The following SLC66A2 variants were observed in gnomAD, a reference collection of about 807,000 sequenced individuals.
SLC66A2 encodes PQ loop repeat containing 1.
SLC66A2 carries 23 observed loss-of-function variants against 25.5 expected under a neutral mutation model. That is an observed-to-expected ratio of 0.90 (90% confidence interval 0.65 to 1.28). The LOEUF is 1.28. Ranked by LOEUF, SLC66A2 falls within the 50% of genes most tolerant of loss-of-function variation. The pLI is 0.00. For missense variants in SLC66A2, 396 were observed against 373.1 expected, an observed-to-expected ratio of 1.06 and a Z score of -0.51; for synonymous variants, 193 against 166.5, an observed-to-expected ratio of 1.16 and a Z score of -1.23.
At chr18:79,914,531 A>G (rs1220264816) in intron 5 of SLC66A2, among the ~76,000 whole-genome samples, 2 of 151,672 alleles carry the variant, frequency 1.3e-5, no homozygotes, top group East Asian at 3.9e-4. Context: ...ACAGGCAGGT[A>G]CCACAGGAGC....
chr18:79,935,761 T>C (rs1046980168), intron 3 of SLC66A2, among the ~76,000 whole-genome samples: 32 of 151,750 alleles, frequency 2.1e-4, no homozygotes, highest in East Asian at 9.7e-4. Flanking sequence ...TCCCAGCAGA[T>C]AGATGGCTAG....
rs1208254979 is a variant in SLC66A2, at chr18:79,940,919, T to C, written c.337+2410A>G. On this transcript the variant is annotated intron_variant, in intron 3 of 5. Transcript: ENST00000397778. This position sits in a 1 kb window ranked among gnomAD's most constrained non-coding sequence, Gnocchi z 4.1. ...GGGGCCCAGGAGTCATGCAGCTTGG[T>C]TCTCAGTCCTCCCCGGGGGAGGGCA... Among the ~76,000 whole-genome samples the C allele has an allele frequency of 6.6e-6, 1 of 152,094 alleles. No homozygotes were observed. Among genetic ancestry groups the C allele is most frequent in the East Asian group, 1.9e-4 (1 of 5,192 alleles).
chr18:79,911,003 A>T (rs889360359), intron 5 of SLC66A2, among the ~76,000 whole-genome samples: 1 of 152,244 alleles, frequency 6.6e-6, no homozygotes, highest in Non-Finnish European at 1.5e-5. Flanking sequence ...GTGGCAGGGG[A>T]AGGGCTAAGA....
chr18:79,915,166 C>A (rs879330821), intron 5 of SLC66A2, among the ~76,000 whole-genome samples: 1 of 152,338 alleles, frequency 6.6e-6, no homozygotes, highest in South Asian at 2.1e-4. Flanking sequence ...TGCGTTCTAG[C>A]AGCAAACGCC....
chr18:79,904,260 T>C lies in SLC66A2; in HGVS notation c.609-77A>G, dbSNP rs1599464388. 5 of 1,338,968 alleles carry C rather than the reference T, an allele frequency of 3.7e-6. No homozygotes were observed. The South Asian group carries it at 4.8e-5, about 13-fold the overall frequency. The allele number at this position is 1,338,968 out of a possible 1,614,324, so 82.9% of individuals were successfully genotyped here. ...TCAGTCAGTGGGGAGGCCTGGGGCTTAGACAGCGGGGAGACCTGGGGCTCA... is the reference window on the plus strand; with the variant it reads ...TCAGTCAGTGGGGAGGCCTGGGGCTCAGACAGCGGGGAGACCTGGGGCTCA... On this transcript the variant is annotated intron_variant, in intron 5 of 5. Transcript: ENST00000397778. This position sits in a 1 kb window ranked among gnomAD's most constrained non-coding sequence, Gnocchi z 6.3.
chr18:79,929,224 T>C (rs1397139806), intron 4 of SLC66A2, among the ~76,000 whole-genome samples: 1 of 152,088 alleles, frequency 6.6e-6, no homozygotes, highest in Non-Finnish European at 1.5e-5. Context: ...CTGGCCCCAA[T>C]GGCCACCCTG....
Position 79,932,305 on chromosome 18 carries a change from T to G in SLC66A2, c.391+1664A>C, listed in dbSNP as rs113053315. ...ATTAAAAAGGAAGAAAGAAAAAAAA[T>G]CAATGTTCTAACCTCCACCTTAAGA... On this transcript the variant is annotated intron_variant, in intron 4 of 5. Coordinates refer to ENST00000397778, the MANE Select transcript of SLC66A2 (RefSeq NM_025078.5). Among the ~76,000 whole-genome samples the G allele has an allele frequency of 8.1e-3, 1,221 of 151,622 alleles. 10 individuals carry two copies. Among genetic ancestry groups the G allele is most frequent in the Non-Finnish European group, 0.011 (777 of 67,880 alleles).
chr18:79,916,974 C>T lies in SLC66A2; in HGVS notation c.608+2210G>A, dbSNP rs533131525. ...CTGGGTCAGGACAACCGGCGGTGCC[C>T]GCCGCAGGACCGACTGCCTGCTCGG... On this transcript the variant is annotated intron_variant, in intron 5 of 5. Transcript: ENST00000397778. 3.3e-5 allele frequency among the ~76,000 whole-genome samples: 5 copies of T among 152,384 alleles called. No homozygotes were observed. In the East Asian group the frequency reaches 7.7e-4, roughly 24 times the overall value.
intron 2 of SLC66A2, among the ~76,000 whole-genome samples, chr18:79,949,197 C>G (rs1033234174): frequency 7.2e-5 from 11 of 152,168 alleles, no homozygotes; most frequent in Non-Finnish European, 1.2e-4. Context: ...AAAACTAACA[C>G]CCAGGGACAC....
At chr18:79,948,769 T>C (rs910775333) in intron 2 of SLC66A2, among the ~76,000 whole-genome samples, 1 of 152,224 alleles carries the variant, frequency 6.6e-6, no homozygotes. Flanking sequence ...AGAGAATTTA[T>C]TCTATAACCC....
chr18:79,902,672 A>C lies in SLC66A2; in HGVS notation c.*1304T>G, dbSNP rs1047482024. On this transcript the variant is annotated 3_prime_UTR_variant, in exon 6 of 6. Transcript: ENST00000397778. ...CAGCGTGGAACATCTTCCCATGGCC[A>C]CGGCCCCGGCACAGAGCTCAGATGC... is the stretch of plus-strand genomic sequence containing the variant. The C allele has an allele frequency of 5.9e-5, 9 of 152,384 alleles. No individual in the cohort carries two copies. Among genetic ancestry groups the C allele is most frequent in the Non-Finnish European group, 1.0e-4 (7 of 68,090 alleles). The allele number at this position is 152,384 out of a possible 1,614,324, so 9.4% of individuals were successfully genotyped here. A position where few individuals can be genotyped will look rare whatever the true frequency, so the allele number is the denominator to read the frequency against.
intron 2 of SLC66A2, among the ~76,000 whole-genome samples, chr18:79,948,461 C>T (rs2051007306): frequency 6.6e-6 from 1 of 152,176 alleles, no homozygotes; most frequent in Non-Finnish European, 1.5e-5. Context: ...CTTTCACAGC[C>T]TCGCAAGTAG....
chr18:79,919,251 T>A lies in SLC66A2; in HGVS notation c.541A>T (p.Thr181Ser). ...VETLGFLAVLTEAMLGVPQLY... is the reference protein window; with the variant it reads ...VETLGFLAVLSEAMLGVPQLY... ...TGGGGCACACCCAGCATGGCTTCGGTCAGCACAGCCAGGAAGCCCAGGGTC... is the reference window on the plus strand; with the variant it reads ...TGGGGCACACCCAGCATGGCTTCGGACAGCACAGCCAGGAAGCCCAGGGTC... The change falls in exon 5 of 6, where the codon ACC (threonine) becomes TCC (serine). Residue 181 changes from threonine to serine, a missense_variant. Physicochemically the swap from Thr to Ser is moderately conservative, Grantham distance 58. Transcript: ENST00000397778. 1 of 1,613,234 alleles carries A rather than the reference T, an allele frequency of 6.2e-7. No homozygotes were observed.
chr18:79,941,833 G>A lies in SLC66A2; in HGVS notation c.337+1496C>T, dbSNP rs978724739. On this transcript the variant is annotated intron_variant, in intron 3 of 5. Coordinates refer to ENST00000397778, the MANE Select transcript of SLC66A2 (RefSeq NM_025078.5). This position sits in a 1 kb window ranked among gnomAD's most constrained non-coding sequence, Gnocchi z 4.1. ...AGGTCTGGCCTCATGTCCAGAGCCC[G>A]AGGACAGCAGAAACACCCAGCAACG... 1.3e-5 allele frequency: 2 copies of A among 152,276 alleles called. No homozygotes were observed. Among genetic ancestry groups the A allele is most frequent in the Admixed American group, 6.6e-5 (1 of 15,266 alleles). The allele number at this position is 152,276 out of a possible 1,614,324, so 9.4% of individuals were successfully genotyped here. A position where few individuals can be genotyped will look rare whatever the true frequency, so the allele number is the denominator to read the frequency against.
At chr18:79,946,127 C>A (rs1402057851) in intron 2 of SLC66A2, among the ~76,000 whole-genome samples, 1 of 152,164 alleles carries the variant, frequency 6.6e-6, no homozygotes, top group Non-Finnish European at 1.5e-5. Context: ...CCATAATCCA[C>A]ACATCAAAAA....
At chr18:79,909,974 C>T (rs1369207266) in intron 5 of SLC66A2, among the ~76,000 whole-genome samples, 1 of 133,654 alleles carries the variant, frequency 7.5e-6, no homozygotes, top group Non-Finnish European at 1.6e-5. Context: ...GAGTCCCCAG[C>T]CTTCCCTACA....
chr18:79,951,588 C>A lies in SLC66A2; in HGVS notation c.-107G>T. 1.3e-5 allele frequency: 2 copies of A among 151,780 alleles called. No homozygotes were observed. Among genetic ancestry groups the A allele is most frequent in the South Asian group, 3.6e-4 (2 of 5,570 alleles). 9.4% of individuals were successfully genotyped at this position (151,780 alleles called of 1,614,324 possible). A position where few individuals can be genotyped will look rare whatever the true frequency, so the allele number is the denominator to read the frequency against. On this transcript the variant is annotated 5_prime_UTR_variant, in exon 1 of 6. Coordinates refer to ENST00000397778, the MANE Select transcript of SLC66A2 (RefSeq NM_025078.5). ...CGCCCCCGCGCTCCTTACCTGCGCC[C>A]CCAGCCCCGCGCCCAGCGCCCCGCG...
At chr18:79,914,539 A>C (rs1345422528) in intron 5 of SLC66A2, among the ~76,000 whole-genome samples, 1 of 150,430 alleles carries the variant, frequency 6.6e-6, no homozygotes, top group Non-Finnish European at 1.5e-5. Context: ...GTACCACAGG[A>C]GCACCCAGGA....
intron 4 of SLC66A2, among the ~76,000 whole-genome samples, chr18:79,922,107 C>A (rs922784948): frequency 1.3e-5 from 2 of 151,804 alleles, no homozygotes; most frequent in African/African-American, 4.8e-5. Flanking sequence ...CTTGATCATG[C>A]CCCCCTGAAG....
Sources: gnomAD v4.1 joint callset for allele counts (sites outside exome capture counted in the v4.1 genomes callset) on GRCh38, gnomAD v4.1.1 for gene constraint, Gnocchi (gnomAD v3.1) non-coding constraint, MANE v1.5 for transcripts, NCBI Gene and HGNC (gene_info 2026-07-23, HGNC 2026-07-21) for gene names.